KIF1A: variants seen among roughly 807,000 people sequenced by gnomAD.
KIF1A encodes the protein kinesin-like protein KIF1A.
A neutral mutation model predicts 227.3 loss-of-function variants in KIF1A; 46 were observed. The observed-to-expected ratio is 0.20, with a 90% CI of 0.16 to 0.26. The LOEUF (loss-of-function observed/expected upper bound fraction) is 0.26. KIF1A is among the 10% of genes least tolerant of loss of function. The pLI is 1.00. For missense variants in KIF1A, 1,683 were observed against 2,485.9 expected (o/e 0.68, Z 6.87); for synonymous variants, 1,022 against 1,012.8 (o/e 1.01, Z -0.17).
rs1187773879 is a variant in KIF1A at position 240,792,823 on chromosome 2, G to A, written c.107-3511C>T. On this transcript the variant is annotated intron_variant, in intron 2 of 48. Transcript: ENST00000498729. This position sits in a 1 kb window ranked among gnomAD's most constrained non-coding sequence, Gnocchi z 4.5. ...GTGGGATGAGTGGCTTTAAAGGAGG[G>A]GAAGGGACCCGAGCTCCCTGGGCCA... 6.6e-6 allele frequency among the ~76,000 whole-genome samples: 1 copy of A among 152,126 alleles called. No individual in the cohort carries two copies. The highest frequency in any genetic ancestry group is 1.9e-4 in the East Asian group (1 of 5,180).
chr2:240,743,878 T>C lies in KIF1A; in HGVS notation c.3584+64A>G. 3.6e-6 allele frequency: 4 copies of C among 1,099,664 alleles called. No homozygotes were observed. The South Asian group carries it at 4.0e-5, about 11-fold the overall frequency. The allele number at this position is 1,099,664 out of a possible 1,614,324, so 68.1% of individuals were successfully genotyped here. A position where few individuals can be genotyped will look rare whatever the true frequency, so the allele number is the denominator to read the frequency against. On this transcript the variant is annotated intron_variant, in intron 33 of 48. Transcript: ENST00000498729. ...GCTCTGCAGCCTCAAGACAGCTGGA[T>C]GAAAAGATCTGGGCAGGGGCTTTGA... is the stretch of plus-strand genomic sequence containing the variant.
At chr2:240,759,596 C>T (rs1171154750) in intron 25 of KIF1A, among the ~76,000 whole-genome samples, 1 of 83,672 alleles carries the variant, frequency 1.2e-5, no homozygotes, top group African/African-American at 5.4e-5. Context: ...CCTGGTGCCT[C>T]CCCCTGTAGC....
Position 240,737,114 on chromosome 2 carries a change from A to G in KIF1A, c.3956T>C (p.Leu1319Ser). The change falls in exon 38 of 49, where the codon TTG becomes TCG. Residue 1319 changes from leucine to serine, a missense_variant. Around this residue, in one of 12 missense-constraint regions of KIF1A, gnomAD observed 759 missense variants for 1,020.2 expected, o/e 0.74. Coordinates refer to ENST00000498729, the MANE Select transcript of KIF1A (RefSeq NM_001244008.2). ...TCCGGAAGAGAGGATGTTGAGAGAC[A>G]AGATGTTGGGGTCGATCAGGGACTC... ...TDESLIDPNI[L>S]SLNILSSGYI... is the part of the protein sequence containing the mutation. The G allele has an allele frequency of 1.2e-6, 2 of 1,613,708 alleles. No individual in the cohort carries two copies. The highest frequency in any genetic ancestry group is 1.7e-6 in the Non-Finnish European group (2 of 1,179,688).
At chr2:240,753,955 G>C (rs2049525209) in intron 27 of KIF1A, among the ~76,000 whole-genome samples, 1 of 152,132 alleles carries the variant, frequency 6.6e-6, no homozygotes, top group South Asian at 2.1e-4. Flanking sequence ...GGCTTCCATG[G>C]GCACCTCCTC....
At position 240,773,157 on chromosome 2, in the gene KIF1A, C is replaced by T. The variant is rs1326713772; in HGVS notation, c.1137G>A (p.Leu379=). ...GACCCTGGGCGTACAGAAGGTCCCG[C>T]AGCCGGGTCACCTCATCCTTCAGCT... The part of the protein sequence containing the change: ...IRELKDEVTR[L]RDLLYAQGLG... Residue 379 remains leucine (L), a synonymous_variant, in exon 13 of 49, where the codon CTG becomes CTA. Transcript: ENST00000498729. The T allele has an allele frequency of 6.2e-7, 1 of 1,613,824 alleles. No individual in the cohort carries two copies. Among genetic ancestry groups the T allele is most frequent in the African/African-American group, 1.3e-5 (1 of 74,940 alleles).
At chr2:240,765,871 C>A in intron 19 of KIF1A, 78 bp from the exon 20 acceptor site, 1 of 985,228 alleles carries the variant, frequency 1.0e-6, no homozygotes, top group East Asian at 2.5e-5. Flanking sequence ...ACCTGGCCCC[C>A]GGGCATGGCC....
intron 10 of KIF1A, 120 bp from the exon 11 acceptor site, chr2:240,776,046 G>T (rs1047066050): frequency 8.2e-6 from 6 of 728,992 alleles, no homozygotes; most frequent in Non-Finnish European, 1.2e-5. Flanking sequence ...AAGGGGCGGG[G>T]CCCGCTCTGC....
At chr2:240,802,593 C>G (rs191031271) in intron 1 of KIF1A, among the ~76,000 whole-genome samples, 1 of 152,290 alleles carries the variant, frequency 6.6e-6, no homozygotes. Flanking sequence ...TGTGCTTGTT[C>G]TATCAGCCAC....
rs1396679465 is a variant in KIF1A, at chr2:240,757,868, C to T, written c.2583-274G>A. 3.3e-5 allele frequency among the ~76,000 whole-genome samples: 5 copies of T among 152,178 alleles called. No individual in the cohort carries two copies. The highest frequency in any genetic ancestry group is 6.5e-5 in the Admixed American group (1 of 15,284). ...GGGTCTCGGCTGGGAGTGGCTGAGG[C>T]CATATGAGGACCTCGAGAGTTTGGC... On this transcript the variant is annotated intron_variant, in intron 26 of 48. Coordinates refer to ENST00000498729, the MANE Select transcript of KIF1A (RefSeq NM_001244008.2). This position sits in a 1 kb window ranked among gnomAD's most constrained non-coding sequence, Gnocchi z 6.2.
chr2:240,755,849 AG>A (rs961285264), intron 27 of KIF1A, among the ~76,000 whole-genome samples: 1 of 152,092 alleles, frequency 6.6e-6, no homozygotes, highest in Non-Finnish European at 1.5e-5. Context: ...CAGGAGGTGC[AG>A]GGGGCCTGGC....
chr2:240,741,203 C>T, intron 35 of KIF1A, 66 bp downstream of exon 35: 1 of 1,127,534 alleles, frequency 8.9e-7, no homozygotes, highest in Admixed American at 2.0e-5. Flanking sequence ...AGCTCAAGTC[C>T]TCGTCCCTCT....
intron 1 of KIF1A, among the ~76,000 whole-genome samples, chr2:240,815,905 T>C (rs1210695444): frequency 6.6e-6 from 1 of 151,618 alleles, no homozygotes; most frequent in African/African-American, 2.4e-5. Context: ...AGGTGTGGAG[T>C]GGCATGGGAT....
intron 27 of KIF1A, among the ~76,000 whole-genome samples, chr2:240,751,943 G>A (rs1322849422): frequency 6.6e-6 from 1 of 152,108 alleles, no homozygotes; most frequent in African/African-American, 2.4e-5. Context: ...CGTTCATTCT[G>A]ACTTTACACA....
chr2:240,787,411 G>A (rs2055081375), intron 4 of KIF1A, 95 bp from the exon 5 acceptor site: 2 of 1,073,188 alleles, frequency 1.9e-6, no homozygotes, highest in Non-Finnish European at 2.9e-6. Context: ...TGCCAGGCGG[G>A]ATCCACCCTC....
chr2:240,803,128 G>A (rs1410129536), intron 1 of KIF1A, among the ~76,000 whole-genome samples: 1 of 152,100 alleles, frequency 6.6e-6, no homozygotes, highest in East Asian at 1.9e-4. Context: ...TGGACACTAA[G>A]CAATACAATT....
chr2:240,752,528 G>C lies in KIF1A; in HGVS notation c.2859-1981C>G, dbSNP rs2049341431. Among the ~76,000 whole-genome samples the C allele has an allele frequency of 6.6e-6, 1 of 152,134 alleles. No homozygotes were observed. Among genetic ancestry groups the C allele is most frequent in the African/African-American group, 2.4e-5 (1 of 41,510 alleles). On this transcript the variant is annotated intron_variant, in intron 27 of 48. Transcript: ENST00000498729. The surrounding 1 kb of genome is among the most constrained non-coding windows in gnomAD (Gnocchi z 6.4). ...GTGGGAAAAGGGGCTGCTACAAACT[G>C]AGCAAAGCTAAGTTGTCCAGGAGTG...
At chr2:240,724,335 G>A (rs2045740992) in intron 40 of KIF1A, 1 of 471,462 alleles carries the variant, frequency 2.1e-6, no homozygotes, top group Admixed American at 3.5e-5. Context: ...CAGGCAACAT[G>A]AGCACAGCAT....
At chr2:240,779,482 CCTCACTCAGTTCCACA>C (rs1170570924) in intron 10 of KIF1A, among the ~76,000 whole-genome samples, 1 of 149,802 alleles carries the variant, frequency 6.7e-6, no homozygotes, top group Non-Finnish European at 1.5e-5. Flanking sequence ...TCACTCAGTT[CCTCACTCAGTTCCACA>C]CTCAGTTCCA....
Position 240,785,171 on chromosome 2 carries a change from GC to G in KIF1A, c.609-72del. On this transcript the variant is annotated intron_variant, in intron 6 of 48. Coordinates refer to ENST00000498729, the MANE Select transcript of KIF1A (RefSeq NM_001244008.2). ...GGGTGCGAGATCGCCGGTGGTGCCA[GC>G]CCTCTGAACCAGGTCATCGGGGGGG... 2.3e-6 allele frequency: 3 copies of G among 1,286,702 alleles called. No individual in the cohort carries two copies. The South Asian group carries it at 3.7e-5, about 16-fold the overall frequency. The allele number at this position is 1,286,702 out of a possible 1,614,324, so 79.7% of individuals were successfully genotyped here.
Sources: allele counts gnomAD v4.1 joint callset (sites outside exome capture counted in the v4.1 genomes callset), GRCh38; gene constraint gnomAD v4.1.1; regional missense constraint gnomAD v4.1.1; non-coding constraint Gnocchi (gnomAD v3.1); transcripts MANE v1.5; gene names NCBI Gene and HGNC (gene_info 2026-07-23, HGNC 2026-07-21).